The following MACROD2 variants were observed in gnomAD, a reference collection of about 807,000 sequenced individuals.
MACROD2 encodes ADP-ribose glycohydrolase MACROD2.
Under a neutral mutation model 70.4 loss-of-function variants are expected in MACROD2, and 36 were observed. The observed-to-expected ratio is 0.51, with a 90% CI of 0.39 to 0.68. MACROD2 has a LOEUF of 0.68. Among genes scored for constraint, MACROD2 ranks in the 30% least tolerant of loss-of-function variants. MACROD2 has a pLI of 0.00. For synonymous variants in MACROD2, 172 were observed against 178.8 expected (o/e 0.96, Z 0.30); for missense variants, 496 against 538.4 (o/e 0.92, Z 0.78).
At chr20:15,861,019 G>A (rs1234551034) in intron 8 of MACROD2, among the ~76,000 whole-genome samples, 4 of 152,186 alleles carry the variant, frequency 2.6e-5, no homozygotes, top group Admixed American at 2.6e-4. Flanking sequence ...ACCCTAGTTA[G>A]AGATTAGTTG....
chr20:14,494,820 G>GA (rs1213867467), intron 4 of MACROD2, among the ~76,000 whole-genome samples: 1 of 152,086 alleles, frequency 6.6e-6, no homozygotes, highest in Non-Finnish European at 1.5e-5. Flanking sequence ...AACTAGAAGG[G>GA]AAAATTTTCC....
At chr20:15,872,967 A>G (rs1201372969) in intron 9 of MACROD2, among the ~76,000 whole-genome samples, 5 of 152,132 alleles carry the variant, frequency 3.3e-5, no homozygotes, top group Admixed American at 2.6e-4. Context: ...ATTTTAATAG[A>G]CCCAAAGTTT....
At chr20:15,938,019 C>T (rs1033226959) in intron 12 of MACROD2, among the ~76,000 whole-genome samples, 1 of 151,586 alleles carries the variant, frequency 6.6e-6, no homozygotes, top group Non-Finnish European at 1.5e-5. Flanking sequence ...ATTCTCCATT[C>T]TGTCAGAAGT....
chr20:15,882,734 T>G (rs2064771790), intron 9 of MACROD2, among the ~76,000 whole-genome samples: 1 of 152,064 alleles, frequency 6.6e-6, no homozygotes, highest in African/African-American at 2.4e-5. Flanking sequence ...GAGTCCAGAC[T>G]CTGGACAGAC....
intron 8 of MACROD2, among the ~76,000 whole-genome samples, chr20:15,629,323 A>T (rs1007951050): frequency 6.6e-6 from 1 of 152,186 alleles, no homozygotes; most frequent in African/African-American, 2.4e-5. Context: ...TTTGATGTAG[A>T]TTGACCCCAA....
Position 13,995,840 on chromosome 20 carries a change from G to A in MACROD2, c.46+31G>A, listed in dbSNP as rs1220583537. The A allele has an allele frequency of 6.5e-7, 1 of 1,546,892 alleles. No homozygotes were observed. Among genetic ancestry groups the A allele is most frequent in the South Asian group, 1.2e-5 (1 of 84,168 alleles). On this transcript the variant is annotated intron_variant, in intron 1 of 17. Transcript: ENST00000684519. This position sits in a 1 kb window ranked among gnomAD's most constrained non-coding sequence, Gnocchi z 4.3. ...CGGCCCGTCGAGTCCTGGGGGTGCG[G>A]GCGGTGGGGGTTAGGGTGGGGGCGG...
At chr20:14,585,476 T>C (rs1243005991) in intron 4 of MACROD2, among the ~76,000 whole-genome samples, 2 of 152,134 alleles carry the variant, frequency 1.3e-5, no homozygotes, top group African/African-American at 4.8e-5. Flanking sequence ...TTTAGTGCAA[T>C]GACTTGTTTT....
Position 15,758,185 on chromosome 20 carries a change from T to C in MACROD2, c.646-104560T>C, listed in dbSNP as rs192545800. On this transcript the variant is annotated intron_variant, in intron 8 of 17. Transcript: ENST00000684519. The stretch of plus-strand genomic sequence containing the variant: ...ATAAATTACCAACAGCTCATTTCTA[T>C]ATGATAAGGGTGTCTCAGAAAGACA... Among the ~76,000 whole-genome samples, 14 of 152,182 alleles carry C rather than the reference T, an allele frequency of 9.2e-5. No homozygotes were observed. In the East Asian group the frequency reaches 2.3e-3, roughly 25 times the overall value.
intron 2 of MACROD2, among the ~76,000 whole-genome samples, chr20:14,050,984 G>T (rs768881540): frequency 2.6e-5 from 4 of 152,146 alleles, no homozygotes; most frequent in Non-Finnish European, 4.4e-5. Flanking sequence ...ACCTAATGCC[G>T]TGGCGTATTA....
intron 5 of MACROD2, among the ~76,000 whole-genome samples, chr20:15,181,407 C>T (rs979611064): frequency 2.0e-5 from 3 of 152,170 alleles, no homozygotes; most frequent in African/African-American, 4.8e-5. Context: ...GGTTGAGAGA[C>T]AGGACCATAT....
chr20:15,479,755 G>A (rs2047071977), intron 7 of MACROD2, among the ~76,000 whole-genome samples: 1 of 152,156 alleles, frequency 6.6e-6, no homozygotes, highest in African/African-American at 2.4e-5. Flanking sequence ...AGAGAAACCT[G>A]CAGAATGGTC....
intron 5 of MACROD2, among the ~76,000 whole-genome samples, chr20:14,738,170 A>T (rs1201925337): frequency 6.6e-6 from 1 of 152,064 alleles, no homozygotes; most frequent in Admixed American, 6.5e-5. Flanking sequence ...GAGTATTTTA[A>T]AAGTCAGTTT....
intron 8 of MACROD2, among the ~76,000 whole-genome samples, chr20:15,556,647 A>G (rs1173593753): frequency 6.6e-6 from 1 of 152,206 alleles, no homozygotes; most frequent in Non-Finnish European, 1.5e-5. Context: ...CATGTTTTAG[A>G]AAATAAGAAA....
At chr20:15,640,298 AGGATAGAGAGAGAAGT>A (rs2049439506) in intron 8 of MACROD2, among the ~76,000 whole-genome samples, 1 of 152,124 alleles carries the variant, frequency 6.6e-6, no homozygotes, top group Middle Eastern at 3.4e-3. Flanking sequence ...AAAAGGAGAG[AGGATAGAGAGAGAAGT>A]GGATAGCGAG....
intron 5 of MACROD2, among the ~76,000 whole-genome samples, chr20:14,762,113 A>G (rs926984703): frequency 2.0e-5 from 3 of 151,960 alleles, no homozygotes; most frequent in African/African-American, 7.3e-5. Flanking sequence ...GAGGCTGATC[A>G]CTTCCTTGCC....
intron 2 of MACROD2, among the ~76,000 whole-genome samples, chr20:14,033,198 C>T (rs1374479115): frequency 6.6e-6 from 1 of 150,440 alleles, no homozygotes; most frequent in Non-Finnish European, 1.5e-5. Context: ...TAGTTATCTT[C>T]ACTGATTAAA....
chr20:15,625,644 T>C (rs1406013730), intron 8 of MACROD2, among the ~76,000 whole-genome samples: 3 of 152,126 alleles, frequency 2.0e-5, no homozygotes, highest in Middle Eastern at 3.4e-3. Context: ...AAGACAGAAA[T>C]ACAAGAACTA....
At chr20:14,033,295 GTTTATTAAC>G in intron 2 of MACROD2, among the ~76,000 whole-genome samples, 1 of 151,752 alleles carries the variant, frequency 6.6e-6, no homozygotes, top group African/African-American at 2.4e-5. Flanking sequence ...CTTGCGATCT[GTTTATTAAC>G]TCTTGTGTCA....
At chr20:15,904,862 A>AAG (rs1194481538) in intron 10 of MACROD2, among the ~76,000 whole-genome samples, 4 of 149,378 alleles carry the variant, frequency 2.7e-5, no homozygotes, top group Admixed American at 6.7e-5. Context: ...GCCTGCGCGA[A>AAG]AGAGAGAGAC....
Sources: gnomAD v4.1 joint callset for allele counts (sites outside exome capture counted in the v4.1 genomes callset) on GRCh38, gnomAD v4.1.1 for gene constraint, Gnocchi (gnomAD v3.1) non-coding constraint, MANE v1.5 for transcripts, NCBI Gene and HGNC (gene_info 2026-07-23, HGNC 2026-07-21) for gene names.